The following OXR1 variants were observed in gnomAD, a reference collection of about 807,000 sequenced individuals.
OXR1 encodes the protein oxidation resistance 1.
Under a neutral mutation model 104.6 loss-of-function variants are expected in OXR1, and 41 were observed. The ratio of observed to expected loss-of-function variants is 0.39; its 90% CI spans 0.31 to 0.51. OXR1 has a LOEUF of 0.51. Ranked by LOEUF, OXR1 falls within the 20% of genes least tolerant of loss-of-function variation. OXR1 has a pLI of 0.77. For synonymous variants in OXR1, 348 were observed against 348.4 expected (o/e 1.00, Z 0.01); for missense variants, 955 against 1,031.9 (o/e 0.93, Z 1.02).
At chr8:106,699,620 G>A (rs1288066337) in intron 7 of OXR1, among the ~76,000 whole-genome samples, 1 of 152,168 alleles carries the variant, frequency 6.6e-6, no homozygotes, top group East Asian at 1.9e-4. Flanking sequence ...AGAAGCAGAA[G>A]TTCATTTGAT....
At chr8:106,455,955 A>G (rs977349901) in intron 2 of OXR1, among the ~76,000 whole-genome samples, 1 of 152,246 alleles carries the variant, frequency 6.6e-6, no homozygotes, top group Admixed American at 6.5e-5. Context: ...AATATTTTCT[A>G]TAACATTTTT....
chr8:106,660,675 A>G (rs536923312), intron 3 of OXR1, among the ~76,000 whole-genome samples: 8 of 152,314 alleles, frequency 5.3e-5, no homozygotes, highest in Middle Eastern at 3.4e-3. Flanking sequence ...TGTTGATAAG[A>G]TAGTTTCACC....
At chr8:106,420,399 T>C (rs1051829926) in intron 2 of OXR1, among the ~76,000 whole-genome samples, 4 of 151,870 alleles carry the variant, frequency 2.6e-5, no homozygotes, top group Admixed American at 6.6e-5. Flanking sequence ...CTACTAGTAG[T>C]TTTATTTTTA....
intron 16 of OXR1, among the ~76,000 whole-genome samples, chr8:106,750,469 G>A (rs1324017962): frequency 1.3e-5 from 2 of 151,886 alleles, no homozygotes; most frequent in African/African-American, 4.8e-5. Context: ...GGGATTACAG[G>A]CATGTGCCAC....
chr8:106,471,714 T>C (rs948484529), intron 2 of OXR1, among the ~76,000 whole-genome samples: 2 of 151,846 alleles, frequency 1.3e-5, no homozygotes, highest in Admixed American at 6.6e-5. Context: ...TTTTTAAAAT[T>C]TGCTCTGAAG....
intron 7 of OXR1, among the ~76,000 whole-genome samples, chr8:106,694,742 A>AAATATATT (rs1472967604): frequency 1.1e-4 from 13 of 116,436 alleles, no homozygotes; most frequent in African/African-American, 3.9e-4. Context: ...TTATATATAT[A>AAATATATT]TTTATATATT....
intron 3 of OXR1, among the ~76,000 whole-genome samples, chr8:106,665,886 G>T (rs909871067): frequency 6.6e-6 from 1 of 151,978 alleles, no homozygotes; most frequent in Non-Finnish European, 1.5e-5. Context: ...GTGTCCCTAG[G>T]ATAAAGATAA....
intron 1 of OXR1, among the ~76,000 whole-genome samples, chr8:106,312,582 C>T (rs1420473793): frequency 1.3e-5 from 2 of 152,198 alleles, no homozygotes; most frequent in African/African-American, 4.8e-5. Context: ...AAGTTAGCTA[C>T]CACACTGGAT....
intron 11 of OXR1, among the ~76,000 whole-genome samples, chr8:106,737,091 G>A (rs543542259): frequency 1.6e-4 from 25 of 152,174 alleles, no homozygotes; most frequent in African/African-American, 5.8e-4. Context: ...CTTCCAGCAT[G>A]GCCATTAGGA....
intron 3 of OXR1, among the ~76,000 whole-genome samples, chr8:106,616,399 G>A (rs1821245052): frequency 6.6e-6 from 1 of 151,692 alleles, no homozygotes; most frequent in Non-Finnish European, 1.5e-5. Flanking sequence ...AGCTTAACTA[G>A]AAGTTTTACA....
At chr8:106,694,429 TATATATAAATATATTTTTATATATATTTG>T (rs1226590285) in intron 7 of OXR1, among the ~76,000 whole-genome samples, 1 of 139,910 alleles carries the variant, frequency 7.1e-6, no homozygotes, top group African/African-American at 2.6e-5. Flanking sequence ...ATATATTTAA[TATATATAAATATATTTTTATATATATTTG>T]ATATATAAAT....
In OXR1 at chr8:106,702,848, G is replaced by T. The variant is rs982601408; in HGVS notation, c.676-58G>T. The T allele has an allele frequency of 5.4e-6, 7 of 1,295,472 alleles. No individual in the cohort carries two copies. In the African/African-American group the frequency reaches 8.9e-5, roughly 16 times the overall value. The allele number at this position is 1,295,472 out of a possible 1,614,324, so 80.2% of individuals were successfully genotyped here. On this transcript the variant is annotated intron_variant, in intron 7 of 16. Coordinates refer to ENST00000517566, the MANE Select transcript of OXR1 (RefSeq NM_001198533.2). ...AGAAGAAAATTAGTAAAAATAGCTA[G>T]ATAATTTTTGAAGTATCAACCTTGA...
In OXR1 at chr8:106,330,162, T is replaced by G. The variant is rs531812283; in HGVS notation, c.-138-29314T>G. On this transcript the variant is annotated intron_variant, in intron 1 of 16. Coordinates refer to ENST00000517566, the MANE Select transcript of OXR1 (RefSeq NM_001198533.2). ...AGACTGAACAGTATAAAGTTAGTAA[T>G]TCTCTCTTCCGTGCTTTTATATACT... 2.0e-5 allele frequency among the ~76,000 whole-genome samples: 3 copies of G among 152,344 alleles called. No homozygotes were observed. The East Asian group carries it at 5.8e-4, about 29-fold the overall frequency.
chr8:106,503,213 A>G (rs570027743), intron 2 of OXR1, among the ~76,000 whole-genome samples: 1 of 152,334 alleles, frequency 6.6e-6, no homozygotes, highest in South Asian at 2.1e-4. Context: ...TGGCAGTTTC[A>G]ACCCTTCCTT....
At chr8:106,332,584 A>C (rs1814767309) in intron 1 of OXR1, among the ~76,000 whole-genome samples, 1 of 152,100 alleles carries the variant, frequency 6.6e-6, no homozygotes, top group African/African-American at 2.4e-5. Context: ...CTATACATTA[A>C]TTCTTTTAAA....
At chr8:106,668,278 A>G (rs533327986) in intron 3 of OXR1, among the ~76,000 whole-genome samples, 96 of 152,328 alleles carry the variant, frequency 6.3e-4, no homozygotes, top group Middle Eastern at 6.8e-3. Flanking sequence ...TATAGCACTG[A>G]GTAATGTTTC....
intron 3 of OXR1, among the ~76,000 whole-genome samples, chr8:106,664,662 AGTTGAAAGGT>A (rs781208376): frequency 2.6e-5 from 4 of 152,226 alleles, no homozygotes; most frequent in Non-Finnish European, 5.9e-5. Flanking sequence ...TGGGATTTTA[AGTTGAAAGGT>A]GCAACAATTT....
At chr8:106,510,786 C>T (rs746636960) in intron 2 of OXR1, among the ~76,000 whole-genome samples, 5 of 152,072 alleles carry the variant, frequency 3.3e-5, no homozygotes, top group Admixed American at 1.3e-4. Context: ...CTCTGAATTT[C>T]CAAGATAGAA....
chr8:106,531,673 T>C (rs563381162), intron 3 of OXR1, among the ~76,000 whole-genome samples: 4 of 152,262 alleles, frequency 2.6e-5, no homozygotes, highest in African/African-American at 9.6e-5. Flanking sequence ...TAGATTCCGT[T>C]TTGAAGTCTT....
Sources: allele counts gnomAD v4.1 joint callset (sites outside exome capture counted in the v4.1 genomes callset), GRCh38; gene constraint gnomAD v4.1.1; transcripts MANE v1.5; gene names NCBI Gene and HGNC (gene_info 2026-07-23, HGNC 2026-07-21).